The following GRM7 variants were observed in gnomAD, a reference collection of about 807,000 sequenced individuals.
GRM7 encodes the protein glutamate metabotropic receptor 7, also known as metabotropic glutamate receptor 7.
A neutral mutation model predicts 84.5 loss-of-function variants in GRM7; 35 were observed. That is an observed-to-expected ratio of 0.41 (90% CI 0.32 to 0.55). GRM7 has a LOEUF of 0.55. Ranked by LOEUF, GRM7 falls within the 20% of genes least tolerant of loss-of-function variation. The pLI, the probability that GRM7 is intolerant of heterozygous loss-of-function variation, is 0.19. For missense variants in GRM7, 1,003 were observed against 1,194.6 expected, an observed-to-expected ratio of 0.84 and a Z score of 2.36; for synonymous variants, 487 against 455.1, an observed-to-expected ratio of 1.07 and a Z score of -0.89.
intron 9 of GRM7, among the ~76,000 whole-genome samples, chr3:7,738,599 G>A (rs992381403): frequency 1.3e-5 from 2 of 152,006 alleles, no homozygotes; most frequent in African/African-American, 4.8e-5. Flanking sequence ...GTGTTTTATA[G>A]TAATCAATTT....
chr3:6,979,051 T>C (rs769894094), intron 1 of GRM7, among the ~76,000 whole-genome samples: 5 of 152,154 alleles, frequency 3.3e-5, no homozygotes, highest in Non-Finnish European at 5.9e-5. Flanking sequence ...AATCAGATCC[T>C]TCCAACAAAC....
intron 1 of GRM7, among the ~76,000 whole-genome samples, chr3:6,944,910 C>A (rs780992422): frequency 1.3e-5 from 2 of 152,072 alleles, no homozygotes; most frequent in Non-Finnish European, 2.9e-5. Flanking sequence ...TCTAAAATAT[C>A]AATTTCATGG....
chr3:6,883,917 C>G (rs1380715683), intron 1 of GRM7, among the ~76,000 whole-genome samples: 2 of 152,206 alleles, frequency 1.3e-5, no homozygotes, highest in Non-Finnish European at 2.9e-5. Flanking sequence ...CAGCAACGTA[C>G]TGTGCAGGGC....
At chr3:7,730,034 C>T (rs920079037) in intron 9 of GRM7, among the ~76,000 whole-genome samples, 1 of 149,806 alleles carries the variant, frequency 6.7e-6, no homozygotes, top group African/African-American at 2.5e-5. Context: ...ACCATCACAC[C>T]TGGCTAATTT....
intron 8 of GRM7, among the ~76,000 whole-genome samples, chr3:7,656,235 A>G (rs1188019411): frequency 6.6e-6 from 1 of 152,136 alleles, no homozygotes; most frequent in Non-Finnish European, 1.5e-5. Flanking sequence ...CACTCCTGTA[A>G]GCCCAGCATT....
chr3:7,694,339 A>T (rs1461069510), intron 9 of GRM7: 2 of 544,404 alleles, frequency 3.7e-6, no homozygotes, highest in African/African-American at 2.1e-5. Flanking sequence ...AATTAACTGG[A>T]TTTTCTGTTT....
intron 9 of GRM7, chr3:7,693,739 G>A: frequency 3.6e-6 from 4 of 1,105,152 alleles, no homozygotes; most frequent in Non-Finnish European, 5.3e-6. Flanking sequence ...TTGCTACCCA[G>A]CCCACCAATG....
At chr3:7,366,865 A>C (rs1426342447) in intron 4 of GRM7, among the ~76,000 whole-genome samples, 13 of 86 alleles carry the variant, frequency 0.15, no homozygotes, top group East Asian at 0.5. Flanking sequence ...TCTATTTAAT[A>C]AGAAATAAAG....
chr3:7,652,539 G>A (rs1698991687), intron 8 of GRM7, among the ~76,000 whole-genome samples: 3 of 152,180 alleles, frequency 2.0e-5, no homozygotes, highest in Admixed American at 6.5e-5. Context: ...CATTTGTCCA[G>A]TGAGGGGAAC....
chr3:7,312,927 T>C (rs1322692989), intron 4 of GRM7, among the ~76,000 whole-genome samples: 1 of 126,250 alleles, frequency 7.9e-6, no homozygotes, highest in Non-Finnish European at 1.6e-5. Context: ...TCCTTTTTTT[T>C]CTTTTTTTCT....
At chr3:7,318,074 A>C (rs1030277138) in intron 4 of GRM7, among the ~76,000 whole-genome samples, 8 of 152,098 alleles carry the variant, frequency 5.3e-5, no homozygotes, top group Non-Finnish European at 8.8e-5. Flanking sequence ...AAAAGGAGAA[A>C]AAAATCACAG....
chr3:7,187,650 T>C (rs1454150638), intron 2 of GRM7, among the ~76,000 whole-genome samples: 1 of 137,002 alleles, frequency 7.3e-6, no homozygotes, highest in African/African-American at 2.8e-5. Context: ...GCAATTGCAG[T>C]CATATTTAAA....
chr3:7,504,327 A>G (rs2124969005), intron 7 of GRM7, among the ~76,000 whole-genome samples: 1 of 152,282 alleles, frequency 6.6e-6, no homozygotes, highest in Middle Eastern at 3.4e-3. Flanking sequence ...TAGGTAGCAT[A>G]TTCATGCCTC....
intron 5 of GRM7, among the ~76,000 whole-genome samples, chr3:7,435,118 T>G (rs940192504): frequency 1.3e-5 from 2 of 152,064 alleles, no homozygotes; most frequent in Non-Finnish European, 1.5e-5. Context: ...TTATTTAGTG[T>G]CTGTTGCATC....
intron 1 of GRM7, among the ~76,000 whole-genome samples, chr3:6,894,602 C>G (rs747013839): frequency 7.2e-4 from 110 of 151,820 alleles, no homozygotes; most frequent in Admixed American, 5.3e-3. Context: ...CAAATATATA[C>G]ACATATATAT....
chr3:7,267,223 A>T (rs1698675536), intron 2 of GRM7, among the ~76,000 whole-genome samples: 1 of 152,246 alleles, frequency 6.6e-6, no homozygotes, highest in African/African-American at 2.4e-5. Context: ...AGAAAGTGTT[A>T]TATATTTTGG....
chr3:7,012,080 C>T (rs1433240843), intron 1 of GRM7, among the ~76,000 whole-genome samples: 4 of 152,152 alleles, frequency 2.6e-5, no homozygotes, highest in Non-Finnish European at 5.9e-5. Flanking sequence ...CTTTCCCTGT[C>T]ACTAGAGTAC....
Position 7,197,247 on chromosome 3 carries a change from A to G in GRM7, c.736+50579A>G, listed in dbSNP as rs79072704. Among the ~76,000 whole-genome samples the G allele has an allele frequency of 6.1e-3, 927 of 152,322 alleles. 2 individuals are homozygous for G. The highest frequency in any genetic ancestry group is 0.014 in the Middle Eastern group (4 of 294). The stretch of plus-strand genomic sequence containing the variant: ...AGACCGAATTCCCAACTCCAATGAT[A>G]TTGGCACTGGGTGCTCATCGTCTGC... On this transcript the variant is annotated intron_variant, in intron 2 of 9. Transcript: ENST00000357716.
chr3:7,530,332 C>T (rs892255306), intron 7 of GRM7, among the ~76,000 whole-genome samples: 1 of 152,224 alleles, frequency 6.6e-6, no homozygotes, highest in African/African-American at 2.4e-5. Flanking sequence ...TTTTCTTTAT[C>T]CAGTCTATCA....
Sources: allele counts gnomAD v4.1 joint callset (sites outside exome capture counted in the v4.1 genomes callset), GRCh38; gene constraint gnomAD v4.1.1; transcripts MANE v1.5; gene names NCBI Gene and HGNC (gene_info 2026-07-23, HGNC 2026-07-21).